The following KCNT2 variants were observed in gnomAD, a reference collection of about 807,000 sequenced individuals.
KCNT2 encodes the protein potassium sodium-activated channel subfamily T member 2.
In KCNT2, 67 loss-of-function variants were observed where a neutral mutation model predicts 153.8. The ratio of observed to expected loss-of-function variants is 0.44; its 90% CI spans 0.36 to 0.53. The LOEUF (loss-of-function observed/expected upper bound fraction) is 0.53, where lower values mean the gene tolerates loss of function less well. Ranked by LOEUF, KCNT2 falls within the 20% of genes least tolerant of loss-of-function variation. The pLI, the probability that KCNT2 is intolerant of heterozygous loss-of-function variation, is 0.00. For missense variants in KCNT2, 975 were observed against 1,354.8 expected (o/e 0.72, Z 4.40); for synonymous variants, 500 against 458.8 (o/e 1.09, Z -1.15).
intron 14 of KCNT2, among the ~76,000 whole-genome samples, chr1:196,349,752 A>C (rs781435940): frequency 6.6e-6 from 1 of 151,674 alleles, no homozygotes; most frequent in Non-Finnish European, 1.5e-5. Context: ...ACATGTGCAC[A>C]ATGTGCACGT....
intron 4 of KCNT2, 104 bp from the exon 5 acceptor site, chr1:196,479,342 T>TGCAC: frequency 3.1e-6 from 2 of 647,398 alleles, no homozygotes; most frequent in Non-Finnish European, 5.4e-6. Flanking sequence ...CATGTATACA[T>TGCAC]ATATGGGTGT....
chr1:196,463,168 G>A (rs117996821), intron 8 of KCNT2, among the ~76,000 whole-genome samples: 4 of 151,692 alleles, frequency 2.6e-5, no homozygotes, highest in African/African-American at 4.8e-5. Flanking sequence ...ATTTGTTTAA[G>A]TTGCTGTATT....
chr1:196,505,025 T>G (rs1258813903), intron 1 of KCNT2, among the ~76,000 whole-genome samples: 10 of 151,910 alleles, frequency 6.6e-5, no homozygotes, highest in Non-Finnish European at 1.2e-4. Flanking sequence ...TTTCTCCCAT[T>G]TTGTAGGTTG....
chr1:196,296,405 C>A (rs994953614), intron 22 of KCNT2, among the ~76,000 whole-genome samples: 1 of 151,718 alleles, frequency 6.6e-6, no homozygotes, highest in Non-Finnish European at 1.5e-5. Context: ...GAATATATTA[C>A]AAATATGAAT....
intron 8 of KCNT2, among the ~76,000 whole-genome samples, chr1:196,451,761 T>C (rs557206091): frequency 9.2e-5 from 14 of 152,014 alleles, no homozygotes; most frequent in Admixed American, 5.9e-4. Context: ...TAATCTGTAT[T>C]TGTTATTTAA....
At chr1:196,578,896 A>T (rs1489919032) in intron 1 of KCNT2, among the ~76,000 whole-genome samples, 1 of 152,134 alleles carries the variant, frequency 6.6e-6, no homozygotes, top group East Asian at 1.9e-4. Flanking sequence ...TTTATTATAA[A>T]GACTTTATTT....
At chr1:196,569,323 A>T (rs1660493035) in intron 1 of KCNT2, among the ~76,000 whole-genome samples, 1 of 152,150 alleles carries the variant, frequency 6.6e-6, no homozygotes, top group South Asian at 2.1e-4. Flanking sequence ...TTTTTAAAAA[A>T]CACATTGTCT....
chr1:196,591,526 A>AAC lies in KCNT2; in HGVS notation c.95+16688_95+16689insGT, dbSNP rs1558114474. ...ATGGCTTTGTTAAAAGAAGTTTTGC[A>AAC]TTCTGAAGACTCATTAATCAACATA... is the stretch of plus-strand genomic sequence containing the variant. On this transcript the variant is annotated intron_variant, in intron 1 of 27. Transcript: ENST00000294725. Among the ~76,000 whole-genome samples the AAC allele has an allele frequency of 4.1e-4, 63 of 152,296 alleles. 1 individual carries two copies. The highest frequency in any genetic ancestry group is 3.4e-3 in the Middle Eastern group (1 of 294).
chr1:196,245,162 A>T (rs1262897495), intron 26 of KCNT2, among the ~76,000 whole-genome samples: 2 of 152,144 alleles, frequency 1.3e-5, no homozygotes, highest in African/African-American at 4.8e-5. Context: ...CCGTGAGTAG[A>T]TATGGCTGCA....
chr1:196,419,895 G>A (rs1673061868), intron 12 of KCNT2, among the ~76,000 whole-genome samples: 1 of 150,914 alleles, frequency 6.6e-6, no homozygotes, highest in Admixed American at 6.6e-5. Flanking sequence ...AGTCCTTATT[G>A]TATAATGAGT....
intron 1 of KCNT2, among the ~76,000 whole-genome samples, chr1:196,576,062 G>A (rs1359435235): frequency 7.8e-6 from 1 of 128,958 alleles, no homozygotes; most frequent in Non-Finnish European, 1.6e-5. Context: ...ACTAGGCAGT[G>A]TGTTAGGTTT....
intron 13 of KCNT2, among the ~76,000 whole-genome samples, chr1:196,394,415 G>A (rs749267043): frequency 3.0e-4 from 46 of 151,592 alleles, no homozygotes; most frequent in Non-Finnish European, 3.5e-4. Flanking sequence ...CAAGATGTGG[G>A]ATTGGATGCA....
rs1659588692 is a variant in KCNT2 at position 196,285,674 on chromosome 1, C to T, written c.2680G>A (p.Asp894Asn). 1 of 1,607,734 alleles carries T rather than the reference C, an allele frequency of 6.2e-7. No homozygotes were observed. Among genetic ancestry groups the T allele is most frequent in the Non-Finnish European group, 8.5e-7 (1 of 1,174,284 alleles). Residue 894 changes from aspartate (D) to asparagine (N), a missense_variant, in exon 23 of 28, where the codon GAC (aspartate) becomes AAC (asparagine). By Grantham distance (23) the Asp-to-Asn change is conservative. This residue lies in a region of KCNT2 where 66 missense variants were observed against 147.9 expected (regional missense o/e 0.45). Transcript: ENST00000294725. ...TTGTATACCTGATACAGCAGAGTGTCCAACATACTGATGCTAAACACCCTC... is the reference window on the plus strand; with the variant it reads ...TTGTATACCTGATACAGCAGAGTGTTCAACATACTGATGCTAAACACCCTC... ...AGRVFSISML[D>N]TLLYQSFVKD...
chr1:196,470,921 C>T (rs1678046369), intron 5 of KCNT2, among the ~76,000 whole-genome samples: 1 of 142,294 alleles, frequency 7.0e-6, no homozygotes, highest in African/African-American at 2.6e-5. Flanking sequence ...GCTCTGTCAC[C>T]CAGGCTGGAG....
intron 1 of KCNT2, among the ~76,000 whole-genome samples, chr1:196,597,759 T>G (rs1051573964): frequency 6.6e-6 from 1 of 152,220 alleles, no homozygotes; most frequent in South Asian, 2.1e-4. Context: ...TTTTCCTTAT[T>G]ATCTTTTCAT....
intron 22 of KCNT2, among the ~76,000 whole-genome samples, chr1:196,304,719 A>T (rs1322883871): frequency 1.3e-5 from 2 of 152,204 alleles, no homozygotes; most frequent in Non-Finnish European, 2.9e-5. Flanking sequence ...TATTAGCATT[A>T]TCCGGATCTC....
Position 196,226,122 on chromosome 1 carries a change from A to T in KCNT2, c.*2102T>A, listed in dbSNP as rs1653472615. 6.6e-6 allele frequency: 1 copy of T among 152,058 alleles called. No homozygotes were observed. Among genetic ancestry groups the T allele is most frequent in the Non-Finnish European group, 1.5e-5 (1 of 67,910 alleles). 9.4% of individuals were successfully genotyped at this position (152,058 alleles called of 1,614,324 possible). On this transcript the variant is annotated 3_prime_UTR_variant, in exon 28 of 28. Transcript: ENST00000294725. ...TATGAAACAAAATTTTTAGTTATAT[A>T]GGAAATATAATCATATCCTAGCTTA... is the stretch of plus-strand genomic sequence containing the variant.
intron 8 of KCNT2, among the ~76,000 whole-genome samples, chr1:196,430,473 T>C (rs921696046): frequency 6.6e-6 from 1 of 151,938 alleles, no homozygotes; most frequent in Non-Finnish European, 1.5e-5. Context: ...TCTCTTTGCC[T>C]TTCTACAATG....
At chr1:196,281,171 T>C (rs1659057534) in intron 24 of KCNT2, among the ~76,000 whole-genome samples, 183 bp from the exon 25 acceptor site, 1 of 152,194 alleles carries the variant, frequency 6.6e-6, no homozygotes, top group Non-Finnish European at 1.5e-5. Context: ...GGCTGAAGCA[T>C]TTTTCACTTC....
Sources: gnomAD v4.1 joint callset for allele counts (sites outside exome capture counted in the v4.1 genomes callset) on GRCh38, gnomAD v4.1.1 for gene constraint, gnomAD v4.1.1 regional missense constraint, MANE v1.5 for transcripts, NCBI Gene and HGNC (gene_info 2026-07-23, HGNC 2026-07-21) for gene names.